Variants in CALN1 observed in about 807,000 individuals in gnomAD.
CALN1 encodes the protein calneuron 1.
In CALN1, 17 loss-of-function variants were observed where a neutral mutation model predicts 30.6. The ratio of observed to expected loss-of-function variants is 0.56; its 90% CI spans 0.38 to 0.83. The LOEUF (loss-of-function observed/expected upper bound fraction) is 0.83. CALN1 is among the 40% of genes least tolerant of loss of function. The pLI, the probability that CALN1 is intolerant of heterozygous loss-of-function variation, is 0.00. For missense variants in CALN1, 291 were observed against 354.9 expected (o/e 0.82, Z 1.45); for synonymous variants, 156 against 131.4 (o/e 1.19, Z -1.28).
chr7:72,145,556 G>A (rs1237782334), intron 3 of CALN1, among the ~76,000 whole-genome samples: 1 of 152,144 alleles, frequency 6.6e-6, no homozygotes, highest in African/African-American at 2.4e-5. Context: ...GGAGGAGCTG[G>A]TACCATTCCT....
Position 72,338,525 on chromosome 7 carries a change from G to GTGTGTGTGTGTGTGTGTGTGTCTGTC in CALN1, c.120-59716_120-59715insGACAGACACACACACACACACACACA. On this transcript the variant is annotated intron_variant, in intron 2 of 6. Transcript: ENST00000395275. Reference sequence around the variant, plus strand: ...TGTGTGTGTGTGTGTGTGTGTGTGTGTGTCTCACCTGGGTGTGGTTTCAGA... The same window carrying GTGTGTGTGTGTGTGTGTGTGTCTGTC: ...TGTGTGTGTGTGTGTGTGTGTGTGTGTGTGTGTGTGTGTGTGTGTGTCTGTCTGTCTCACCTGGGTGTGGTTTCAGA... Among the ~76,000 whole-genome samples, 973 of 122,246 alleles carry GTGTGTGTGTGTGTGTGTGTGTCTGTC rather than the reference G, an allele frequency of 8.0e-3. 89 individuals carry two copies. Among genetic ancestry groups the GTGTGTGTGTGTGTGTGTGTGTCTGTC allele is most frequent in the East Asian group, 0.011 (46 of 4,104 alleles). The allele number at this position is 122,246 out of a possible 152,430, so 80.2% of individuals were successfully genotyped here.
intron 2 of CALN1, among the ~76,000 whole-genome samples, chr7:72,338,038 A>G (rs1802181999): frequency 6.6e-6 from 1 of 152,192 alleles, no homozygotes; most frequent in South Asian, 2.1e-4. Context: ...TCTGCCTCCC[A>G]AGAACTGACG....
chr7:71,939,403 C>CAAAAA (rs56368426), intron 5 of CALN1, among the ~76,000 whole-genome samples: 1 of 105,476 alleles, frequency 9.5e-6, no homozygotes, highest in Non-Finnish European at 1.9e-5. Context: ...ACTAAAAATA[C>CAAAAA]AAAAAAAAAA....
At chr7:72,075,059 G>A (rs560546178) in intron 4 of CALN1, among the ~76,000 whole-genome samples, 1 of 152,286 alleles carries the variant, frequency 6.6e-6, no homozygotes, top group African/African-American at 2.4e-5. Context: ...GAGGGCTGAG[G>A]CCCAAGAAAA....
At chr7:72,209,042 C>T (rs112980340) in intron 3 of CALN1, among the ~76,000 whole-genome samples, 239 of 141,414 alleles carry the variant, frequency 1.7e-3, no homozygotes, top group Middle Eastern at 3.6e-3. Flanking sequence ...CCTTCTCTCT[C>T]TCCTTTTTCT....
intron 5 of CALN1, among the ~76,000 whole-genome samples, chr7:71,891,928 A>G (rs769432569): frequency 1.6e-4 from 25 of 151,672 alleles, no homozygotes; most frequent in East Asian, 3.9e-4. Flanking sequence ...TGGGCAACAG[A>G]GTGAGACTCC....
intron 4 of CALN1, among the ~76,000 whole-genome samples, chr7:72,049,426 C>T (rs28752068): frequency 0.053 from 8,087 of 152,154 alleles, 720 homozygotes; most frequent in African/African-American, 0.18. Flanking sequence ...ATCAAATAAG[C>T]AAATATTAAT....
chr7:72,414,895 T>C (rs571775519), upstream of CALN1, among the ~76,000 whole-genome samples: 1 of 152,340 alleles, frequency 6.6e-6, no homozygotes, highest in African/African-American at 2.4e-5. Flanking sequence ...GTTGAAGCCC[T>C]CAACCCCAAT....
At chr7:72,358,548 G>A (rs973966083) in intron 2 of CALN1, among the ~76,000 whole-genome samples, 2 of 152,144 alleles carry the variant, frequency 1.3e-5, no homozygotes, top group Non-Finnish European at 2.9e-5. Context: ...ACCAGAACTG[G>A]CACTGTGATC....
chr7:72,214,586 C>A (rs1792638727), intron 3 of CALN1, among the ~76,000 whole-genome samples: 2 of 152,044 alleles, frequency 1.3e-5, no homozygotes, highest in Admixed American at 6.6e-5. Context: ...CCACTGCACT[C>A]CAGCCTGGGT....
intron 3 of CALN1, among the ~76,000 whole-genome samples, chr7:72,237,922 T>A (rs1794577765): frequency 6.6e-6 from 1 of 152,234 alleles, no homozygotes; most frequent in Non-Finnish European, 1.5e-5. Flanking sequence ...TGCCTGGCAC[T>A]GTTGACAGCA....
chr7:72,088,487 T>C (rs1805626352), intron 4 of CALN1, among the ~76,000 whole-genome samples: 1 of 151,726 alleles, frequency 6.6e-6, no homozygotes, highest in African/African-American at 2.4e-5. Context: ...TCACCTGAGG[T>C]CAGGAGTTGG....
chr7:72,424,627 C>T (rs1386516679), intron 1 of CALN1, among the ~76,000 whole-genome samples: 1 of 151,942 alleles, frequency 6.6e-6, no homozygotes, highest in African/African-American at 2.4e-5. Context: ...GAACGTGTCT[C>T]ACTGTATCAC....
chr7:72,314,364 T>TATACACATATATATAC, intron 2 of CALN1, among the ~76,000 whole-genome samples: 1 of 116,856 alleles, frequency 8.6e-6, no homozygotes, highest in South Asian at 2.6e-4. Context: ...TATATACATA[T>TATACACATATATATAC]ACATATATAC....
intron 5 of CALN1, among the ~76,000 whole-genome samples, chr7:71,940,655 G>T (rs1043779163): frequency 6.6e-6 from 1 of 152,082 alleles, no homozygotes; most frequent in African/African-American, 2.4e-5. Context: ...GGCCGGGTTG[G>T]TGTAGTGGCA....
chr7:71,873,001 ATTT>A (rs371153112), intron 5 of CALN1, among the ~76,000 whole-genome samples: 8 of 115,590 alleles, frequency 6.9e-5, no homozygotes, highest in African/African-American at 1.4e-4. Context: ...GTTTGTGACA[ATTT>A]TTTTTTTTTT....
At chr7:72,253,695 T>C (rs546005338) in intron 3 of CALN1, among the ~76,000 whole-genome samples, 1 of 152,182 alleles carries the variant, frequency 6.6e-6, no homozygotes, top group Non-Finnish European at 1.5e-5. Context: ...CATGTGGGGA[T>C]TACAATTCAA....
the CALN1 span, among the ~76,000 whole-genome samples, chr7:72,487,987 G>A: frequency 2.0e-5 from 3 of 149,300 alleles, no homozygotes; most frequent in African/African-American, 7.5e-5. Flanking sequence ...AGGAAGGAAG[G>A]AAAGAAGAAA....
intron 5 of CALN1, among the ~76,000 whole-genome samples, chr7:72,021,794 C>T (rs1287446383): frequency 6.6e-6 from 1 of 152,190 alleles, no homozygotes; most frequent in Admixed American, 6.5e-5. Context: ...GTTCCAGCCC[C>T]AACTGATTTC....
Sources: allele counts gnomAD v4.1 joint callset (sites outside exome capture counted in the v4.1 genomes callset), GRCh38; gene constraint gnomAD v4.1.1; transcripts MANE v1.5; gene names NCBI Gene and HGNC (gene_info 2026-07-23, HGNC 2026-07-21).